Variants in ZIM2 observed in about 807,000 individuals in gnomAD.
The protein encoded by ZIM2 is zinc finger protein 656.
Under a neutral mutation model 38.6 loss-of-function variants are expected in ZIM2, and 14 were observed. That is an observed-to-expected ratio of 0.36 (90% CI 0.24 to 0.57). The LOEUF (loss-of-function observed/expected upper bound fraction) is 0.57. Among genes scored for constraint, ZIM2 ranks in the 20% least tolerant of loss-of-function variants. The pLI, the probability that ZIM2 is intolerant of heterozygous loss-of-function variation, is 0.81. For synonymous variants in ZIM2, 247 were observed against 245.8 expected (o/e 1.00, Z -0.04); for missense variants, 680 against 695.1 (o/e 0.98, Z 0.24).
chr19:56,795,229 T>G (rs796481825), intron 9 of ZIM2, among the ~76,000 whole-genome samples: 4 of 152,272 alleles, frequency 2.6e-5, no homozygotes, highest in African/African-American at 9.6e-5. Context: ...CCTGGGTCCC[T>G]CCCTGCAGGG....
intron 1 of ZIM2, 24 bp from the exon 2 acceptor site, chr19:56,836,128 G>C (rs908063334): frequency 2.0e-5 from 9 of 456,150 alleles, no homozygotes; most frequent in African/African-American, 1.8e-4. Flanking sequence ...GAAAATGTGA[G>C]ACGCCAAGTT....
intron 9 of ZIM2, chr19:56,815,513 A>G (rs2059900366): frequency 6.2e-7 from 1 of 1,613,772 alleles, no homozygotes; most frequent in Non-Finnish European, 8.5e-7. Flanking sequence ...TGAGCAAAGC[A>G]CTCCCCACAC....
At chr19:56,809,326 TTTATATC>T (rs2031044543) in intron 9 of ZIM2, among the ~76,000 whole-genome samples, 2 of 152,164 alleles carry the variant, frequency 1.3e-5, no homozygotes, top group Admixed American at 6.5e-5. Context: ...CAAGTACACT[TTTATATC>T]TTAAGAACAA....
chr19:56,779,476 T>A lies in ZIM2; in HGVS notation c.740-4A>T. The A allele has an allele frequency of 1.2e-6, 2 of 1,613,666 alleles. No homozygotes were observed. The highest frequency in any genetic ancestry group is 2.2e-5 in the South Asian group (2 of 91,074). ...TCAGGTTTAGAGAACTGGTGCCCTG[T>A]TGGAGAGGAAGACTGAGAACTCAGG... On this transcript the variant is annotated splice_region_variant and splice_polypyrimidine_tract_variant and intron_variant, in intron 11 of 12. Coordinates refer to ENST00000629319, the MANE Select transcript of ZIM2 (RefSeq NM_001387356.1).
At chr19:56,815,252 G>C in intron 9 of ZIM2, 1 of 1,614,170 alleles carries the variant, frequency 6.2e-7, no homozygotes, top group Non-Finnish European at 8.5e-7. Context: ...TTCTCGCCTT[G>C]AGACTCCTCG....
intron 9 of ZIM2, among the ~76,000 whole-genome samples, chr19:56,797,720 T>G (rs958035373): frequency 1.3e-5 from 2 of 152,150 alleles, no homozygotes; most frequent in African/African-American, 2.4e-5. Flanking sequence ...AAAAGGAGGA[T>G]GATTCAGAGG....
chr19:56,810,676 C>T, intron 9 of ZIM2: 1 of 969,726 alleles, frequency 1.0e-6, no homozygotes, highest in Non-Finnish European at 1.2e-6. Context: ...ACAATGACAA[C>T]ACTATTTTAG....
At chr19:56,779,327 C>T (rs1174864585) in intron 12 of ZIM2, 50 bp downstream of exon 12, 1 of 1,594,538 alleles carries the variant, frequency 6.3e-7, no homozygotes, top group African/African-American at 1.3e-5. Context: ...CTCTGACTAG[C>T]ATTTACTGGT....
intron 9 of ZIM2, chr19:56,812,937 A>G: frequency 1.0e-6 from 1 of 985,816 alleles, no homozygotes; most frequent in Non-Finnish European, 1.2e-6. Flanking sequence ...CGTATATTGT[A>G]AAGCCTTACA....
Position 56,818,612 on chromosome 19 carries a change from G to T in ZIM2, c.385C>A (p.Leu129Met). The change falls in exon 8 of 13, where the codon CTG (leucine) becomes ATG (methionine). Residue 129 changes from leucine (L) to methionine (M), a missense_variant. Coordinates refer to ENST00000629319, the MANE Select transcript of ZIM2 (RefSeq NM_001387356.1). ...AGCAGCTGCTTACCGAGGGAGAGCAGCTTCCTGTAGTTTTCCATGTTGTCC... is the reference window on the plus strand; with the variant it reads ...AGCAGCTGCTTACCGAGGGAGAGCATCTTCCTGTAGTTTTCCATGTTGTCC... ...IQDNMENYRK[L>M]LSLGVQLAED... 1.2e-6 allele frequency: 2 copies of T among 1,614,140 alleles called. No individual in the cohort carries two copies. Among genetic ancestry groups the T allele is most frequent in the Non-Finnish European group, 1.7e-6 (2 of 1,180,024 alleles).
At chr19:56,831,584 T>C (rs2061574935) in intron 2 of ZIM2, among the ~76,000 whole-genome samples, 2 of 152,246 alleles carry the variant, frequency 1.3e-5, no homozygotes, top group Non-Finnish European at 2.9e-5. Flanking sequence ...TACTTTGTTC[T>C]AAGTAAGTTA....
intron 9 of ZIM2, among the ~76,000 whole-genome samples, chr19:56,790,668 T>C (rs2046884730): frequency 6.6e-6 from 1 of 152,218 alleles, no homozygotes; most frequent in Admixed American, 6.5e-5. Context: ...ATTTTATAAC[T>C]AGTTGTTAAT....
intron 9 of ZIM2, among the ~76,000 whole-genome samples, chr19:56,801,265 G>C (rs972780652): frequency 3.1e-4 from 47 of 152,090 alleles, no homozygotes; most frequent in Non-Finnish European, 3.4e-4. Flanking sequence ...CTATTAATGA[G>C]ATTGTAAGAG....
chr19:56,824,405 T>A lies in ZIM2; in HGVS notation c.-128A>T. 2 of 1,614,120 alleles carry A rather than the reference T, an allele frequency of 1.2e-6. No homozygotes were observed. The highest frequency in any genetic ancestry group is 1.7e-5 in the Admixed American group (1 of 60,018). On this transcript the variant is annotated 5_prime_UTR_variant, in exon 4 of 13. Transcript: ENST00000629319. ...CTCAAGGACCAAGAGCTCGATGATCTCCTCCTTGGTGCGGGTCTCCGGCTG... is the reference window on the plus strand; with the variant it reads ...CTCAAGGACCAAGAGCTCGATGATCACCTCCTTGGTGCGGGTCTCCGGCTG...
chr19:56,816,033 T>C (rs758496400), intron 9 of ZIM2: 7 of 1,595,680 alleles, frequency 4.4e-6, no homozygotes, highest in East Asian at 2.2e-5. Flanking sequence ...TGGTAGACTC[T>C]GCCATTACTT....
intron 10 of ZIM2, among the ~76,000 whole-genome samples, chr19:56,788,409 G>A (rs1568572802): frequency 2.0e-5 from 3 of 152,014 alleles, no homozygotes; most frequent in Admixed American, 6.6e-5. Context: ...ATAATCGTGC[G>A]GTTTTGAGTG....
intron 9 of ZIM2, chr19:56,813,759 C>A (rs184629533): frequency 1.2e-6 from 2 of 1,614,136 alleles, no homozygotes; most frequent in Admixed American, 3.3e-5. Context: ...TGAAGTACTT[C>A]TCATCAGCTT....
At position 56,775,289 on chromosome 19, in the gene ZIM2, T is replaced by C. The variant is rs1429599638; in HGVS notation, c.1076A>G (p.Asn359Ser). 1.9e-6 allele frequency: 3 copies of C among 1,614,146 alleles called. No homozygotes were observed. The highest frequency in any genetic ancestry group is 1.7e-6 in the Non-Finnish European group (2 of 1,180,024). The change falls in exon 13 of 13, where the codon AAC becomes AGC. Residue 359 changes from asparagine (N) to serine (S), a missense_variant. Transcript: ENST00000629319. ...GGTTCGTTTGCAAAATTCACATCTG[T>C]TGTGTTTGTTCTCTTGGGATGCTGA... ...PQSASQENKH[N>S]RCEFCKRTFS...
At chr19:56,797,457 C>T (rs942817476) in intron 9 of ZIM2, among the ~76,000 whole-genome samples, 1 of 152,120 alleles carries the variant, frequency 6.6e-6, no homozygotes, top group African/African-American at 2.4e-5. Flanking sequence ...GACTACAGAA[C>T]CAGGAAATGA....
Sources: gnomAD v4.1 joint callset for allele counts (sites outside exome capture counted in the v4.1 genomes callset) on GRCh38, gnomAD v4.1.1 for gene constraint, MANE v1.5 for transcripts, NCBI Gene and HGNC (gene_info 2026-07-23, HGNC 2026-07-21) for gene names.